Variants in DLGAP1 observed in about 807,000 individuals in gnomAD.
The protein encoded by DLGAP1 is disks large-associated protein 1.
A neutral mutation model predicts 90.8 loss-of-function variants in DLGAP1; 11 were observed. The ratio of observed to expected loss-of-function variants is 0.12; its 90% CI spans 0.08 to 0.20. The LOEUF is 0.20. Ranked by LOEUF, DLGAP1 falls within the 10% of genes least tolerant of loss-of-function variation. DLGAP1 has a pLI of 1.00. For missense variants in DLGAP1, 1,050 were observed against 1,333.8 expected (o/e 0.79, Z 3.31); for synonymous variants, 558 against 540.7 (o/e 1.03, Z -0.44).
chr18:3,730,067 T>G (rs1481293083), intron 6 of DLGAP1, among the ~76,000 whole-genome samples: 1 of 152,206 alleles, frequency 6.6e-6, no homozygotes, highest in East Asian at 1.9e-4. Flanking sequence ...ATTTTCAAAC[T>G]ATTTACAAGT....
At chr18:4,072,405 C>T (rs190135612) in intron 2 of DLGAP1, among the ~76,000 whole-genome samples, 259 of 151,668 alleles carry the variant, frequency 1.7e-3, no homozygotes, top group Middle Eastern at 0.014. Flanking sequence ...TCATTTTCAT[C>T]AGCATCATCA....
chr18:3,914,491 C>T (rs2083670), intron 3 of DLGAP1, among the ~76,000 whole-genome samples: 48,491 of 152,076 alleles, frequency 0.32, 9,075 homozygotes, highest in Admixed American at 0.45. Context: ...TTGTGAATAA[C>T]CCTGCAGTGA....
At chr18:4,173,681 G>A (rs1369915615) in intron 1 of DLGAP1, among the ~76,000 whole-genome samples, 1 of 152,194 alleles carries the variant, frequency 6.6e-6, no homozygotes, top group Non-Finnish European at 1.5e-5. Flanking sequence ...GTAAAAAGGA[G>A]GAAGAGAAAT....
chr18:4,258,043 T>A (rs2078932107), intron 1 of DLGAP1, among the ~76,000 whole-genome samples: 1 of 151,278 alleles, frequency 6.6e-6, no homozygotes, highest in Non-Finnish European at 1.5e-5. Flanking sequence ...TGTTGAATTC[T>A]GTCAGCAAAA....
intron 5 of DLGAP1, among the ~76,000 whole-genome samples, chr18:3,761,131 C>T (rs865799483): frequency 6.6e-6 from 1 of 152,122 alleles, no homozygotes; most frequent in Non-Finnish European, 1.5e-5. Context: ...GGGTACAGTT[C>T]GGTGGCATTA....
Position 4,435,899 on chromosome 18 carries a change from A to T in DLGAP1, c.-267+19107T>A, listed in dbSNP as rs1324026816. Among the ~76,000 whole-genome samples, 6 of 152,314 alleles carry T rather than the reference A, an allele frequency of 3.9e-5. No homozygotes were observed. The South Asian group carries it at 6.2e-4, about 16-fold the overall frequency. ...GAGGACAGGCTGTAAATGCACAGAG[A>T]GCTGAGGCGGGCTTAGGGACTCAAA... On this transcript the variant is annotated intron_variant, in intron 1 of 12. Transcript: ENST00000315677.
At chr18:3,501,900 C>CA (rs2049955859) in intron 12 of DLGAP1, among the ~76,000 whole-genome samples, 1 of 147,036 alleles carries the variant, frequency 6.8e-6, no homozygotes, top group South Asian at 2.1e-4. Flanking sequence ...ATGAGGACCC[C>CA]AGTGAGCAAT....
chr18:3,508,358 T>G (rs2050361534), intron 11 of DLGAP1, among the ~76,000 whole-genome samples: 1 of 152,152 alleles, frequency 6.6e-6, no homozygotes, highest in Admixed American at 6.6e-5. Context: ...CTTGACTGAA[T>G]TTTTTCTAAG....
At chr18:3,608,488 A>G (rs1033286474) in intron 7 of DLGAP1, among the ~76,000 whole-genome samples, 1 of 152,154 alleles carries the variant, frequency 6.6e-6, no homozygotes, top group South Asian at 2.1e-4. Flanking sequence ...TTATTTTTTA[A>G]GTTGTATTTG....
chr18:3,745,099 G>C (rs1598562725), intron 5 of DLGAP1, among the ~76,000 whole-genome samples: 1 of 152,166 alleles, frequency 6.6e-6, no homozygotes, highest in Non-Finnish European at 1.5e-5. Flanking sequence ...CATATTACAT[G>C]ATTCTACTTA....
chr18:4,420,729 A>C (rs946230496), intron 1 of DLGAP1, among the ~76,000 whole-genome samples: 1 of 152,192 alleles, frequency 6.6e-6, no homozygotes, highest in South Asian at 2.1e-4. Context: ...TGGATAGTTT[A>C]TTGGCACCTC....
chr18:3,750,491 G>A (rs1371151628), intron 5 of DLGAP1, among the ~76,000 whole-genome samples: 1 of 147,850 alleles, frequency 6.8e-6, no homozygotes, highest in Non-Finnish European at 1.5e-5. Context: ...ACCTGGTAGT[G>A]GGATTGCTGG....
At chr18:3,871,187 G>A (rs1041381241) in intron 4 of DLGAP1, among the ~76,000 whole-genome samples, 2 of 152,156 alleles carry the variant, frequency 1.3e-5, no homozygotes, top group Non-Finnish European at 2.9e-5. Flanking sequence ...TGATTTCATC[G>A]AGGTATTTCC....
intron 1 of DLGAP1, among the ~76,000 whole-genome samples, chr18:4,190,693 A>G (rs1196051980): frequency 6.6e-6 from 1 of 152,094 alleles, no homozygotes; most frequent in African/African-American, 2.4e-5. Context: ...TCTAAAAACA[A>G]AGTCTATTTT....
At chr18:4,353,826 T>C (rs1744988749) in intron 1 of DLGAP1, among the ~76,000 whole-genome samples, 1 of 152,198 alleles carries the variant, frequency 6.6e-6, no homozygotes, top group Non-Finnish European at 1.5e-5. Context: ...TAATCAGTTA[T>C]ATCAACTTTT....
chr18:4,311,042 AT>A (rs1173584935), intron 1 of DLGAP1, among the ~76,000 whole-genome samples: 1 of 152,124 alleles, frequency 6.6e-6, no homozygotes, highest in Admixed American at 6.5e-5. Flanking sequence ...ATGCTGACTT[AT>A]TTTTCCTTTC....
At chr18:4,256,023 A>G (rs1302688873) in intron 1 of DLGAP1, among the ~76,000 whole-genome samples, 2 of 152,174 alleles carry the variant, frequency 1.3e-5, no homozygotes, top group Non-Finnish European at 2.9e-5. Flanking sequence ...GGCTCTGACA[A>G]CTCAAGGCAG....
intron 1 of DLGAP1, among the ~76,000 whole-genome samples, chr18:4,215,675 A>G (rs565521193): frequency 6.6e-6 from 1 of 152,260 alleles, no homozygotes; most frequent in African/African-American, 2.4e-5. Context: ...GCGAATCAGC[A>G]TTAATTTGGG....
At position 3,805,118 on chromosome 18, in the gene DLGAP1, G is replaced by A. The variant is rs142677491; in HGVS notation, c.1172+8941C>T. Among the ~76,000 whole-genome samples, 8 of 152,296 alleles carry A rather than the reference G, an allele frequency of 5.3e-5. No homozygotes were observed. In the East Asian group the frequency reaches 5.8e-4, roughly 11 times the overall value. ...GGCCAAAACTGATAATAATGATGGC[G>A]ATAGCTAACATATGTGGAGCAACTA... On this transcript the variant is annotated intron_variant, in intron 5 of 12. Coordinates refer to ENST00000315677, the MANE Select transcript of DLGAP1 (RefSeq NM_004746.4).
Sources: allele counts gnomAD v4.1 joint callset (sites outside exome capture counted in the v4.1 genomes callset), GRCh38; gene constraint gnomAD v4.1.1; transcripts MANE v1.5; gene names NCBI Gene and HGNC (gene_info 2026-07-23, HGNC 2026-07-21).